Variants in WDR5 observed in about 807,000 individuals in gnomAD.
WDR5 encodes the protein WD repeat-containing protein 5.
For missense variants in WDR5, 187 were observed against 416.9 expected (o/e 0.45, Z 4.80); for synonymous variants, 144 against 161.6 (o/e 0.89, Z 0.83).
chr9:134,147,126 A>G (rs1334910874), intron 7 of WDR5, among the ~76,000 whole-genome samples: 2 of 152,248 alleles, frequency 1.3e-5, no homozygotes, highest in Admixed American at 6.5e-5. Context: ...AATATTTTAG[A>G]TACATTGGGT....
intron 8 of WDR5, among the ~76,000 whole-genome samples, chr9:134,150,275 AT>A (rs1404717334): frequency 6.6e-6 from 1 of 152,218 alleles, no homozygotes; most frequent in African/African-American, 2.4e-5. Context: ...TAATGAAAGG[AT>A]TATAACGTAA....
chr9:134,135,894 C>T (rs1040855484), upstream of WDR5: 2 of 152,144 alleles, frequency 1.3e-5, no homozygotes, highest in Middle Eastern at 3.2e-3. Flanking sequence ...AGGGCCTGCA[C>T]CAGTCAAATT....
chr9:134,145,744 C>T (rs189551058), intron 7 of WDR5, among the ~76,000 whole-genome samples: 83 of 152,254 alleles, frequency 5.5e-4, no homozygotes, highest in African/African-American at 1.7e-3. Flanking sequence ...GGCTGAGGGC[C>T]GCTGCCGACC....
At chr9:134,155,204 G>A (rs1832692522) in intron 10 of WDR5, 136 bp from the exon 11 acceptor site, 1 of 1,053,962 alleles carries the variant, frequency 9.5e-7, no homozygotes, top group Non-Finnish European at 1.3e-6. Flanking sequence ...TTACCCTGAT[G>A]GGGAAGGGGG....
Position 134,153,508 on chromosome 9 carries a change from C to T in WDR5, c.632-958C>T, listed in dbSNP as rs527852806. ...TTGCCATCAGCTGTGTTAAGGGAGC[C>T]CGGCCCCCCGGCCCTCACTGTGACC... On this transcript the variant is annotated intron_variant, in intron 9 of 13. Transcript: ENST00000358625. 2.9e-3 allele frequency among the ~76,000 whole-genome samples: 435 copies of T among 152,354 alleles called. 1 individual carries two copies. The highest frequency in any genetic ancestry group is 9.9e-3 in the African/African-American group (411 of 41,582).
chr9:134,136,345 GGCCCCGCCCGGGACCCCC>G (rs1042967577), intron 1 of WDR5, 145 bp downstream of exon 1: 1 of 149,968 alleles, frequency 6.7e-6, no homozygotes, highest in Non-Finnish European at 1.5e-5. Flanking sequence ...CCGCTGCAGC[GGCCCCGCCCGGGACCCCC>G]GCCCCGGCCC....
At chr9:134,138,277 T>C (rs777442694) in intron 1 of WDR5, among the ~76,000 whole-genome samples, 1 of 152,198 alleles carries the variant, frequency 6.6e-6, no homozygotes, top group Non-Finnish European at 1.5e-5. Flanking sequence ...CTATTTCGCC[T>C]TCTGTTCCTC....
chr9:134,156,620 T>C, intron 13 of WDR5, 27 bp downstream of exon 13: 1 of 1,611,308 alleles, frequency 6.2e-7, no homozygotes, highest in Non-Finnish European at 8.5e-7. Flanking sequence ...CTGCAGTCAC[T>C]GGCTGCCTGT....
Position 134,151,901 on chromosome 9 carries a change from T to C in WDR5, c.585-82T>C, listed in dbSNP as rs1832508849. ...AAGATAGGGAAAAGCGTGCTAGTCC[T>C]AAAATTTATATCTGACTCCCAGCAG... On this transcript the variant is annotated intron_variant, in intron 8 of 13. Coordinates refer to ENST00000358625, the MANE Select transcript of WDR5 (RefSeq NM_017588.3). 4.8e-6 allele frequency: 7 copies of C among 1,446,196 alleles called. No individual in the cohort carries two copies. In the Admixed American group the frequency reaches 1.4e-4, roughly 30 times the overall value. The allele number at this position is 1,446,196 out of a possible 1,614,324, so 89.6% of individuals were successfully genotyped here.
intron 7 of WDR5, among the ~76,000 whole-genome samples, chr9:134,143,298 T>G (rs1473113772): frequency 1.3e-5 from 2 of 152,154 alleles, no homozygotes; most frequent in Non-Finnish European, 2.9e-5. Context: ...CCCAGCACTT[T>G]GGGAGGCCGA....
intron 8 of WDR5, among the ~76,000 whole-genome samples, chr9:134,151,405 T>C (rs1262831904): frequency 1.3e-5 from 2 of 152,206 alleles, no homozygotes; most frequent in Non-Finnish European, 2.9e-5. Flanking sequence ...TCCCCGCTGC[T>C]GGCATCTGTG....
At chr9:134,142,962 C>T (rs1831971431) in intron 7 of WDR5, among the ~76,000 whole-genome samples, 1 of 152,086 alleles carries the variant, frequency 6.6e-6, no homozygotes, top group Non-Finnish European at 1.5e-5. Flanking sequence ...GTGATGAGCA[C>T]CAAGGGGCCG....
At chr9:134,138,763 G>A (rs187939701) in intron 1 of WDR5, among the ~76,000 whole-genome samples, 12 of 152,238 alleles carry the variant, frequency 7.9e-5, no homozygotes, top group Admixed American at 6.5e-4. Context: ...TCCATTTCGC[G>A]TTAGTGTTAC....
rs568433953 is a variant in WDR5, at chr9:134,157,742, G to A, written c.905-151G>A. 7.7e-6 allele frequency: 5 copies of A among 646,038 alleles called. No individual in the cohort carries two copies. Among genetic ancestry groups the A allele is most frequent in the Non-Finnish European group, 1.3e-5 (5 of 371,458 alleles). 40.0% of individuals were successfully genotyped at this position (646,038 alleles called of 1,614,324 possible). On this transcript the variant is annotated intron_variant, in intron 13 of 13. Coordinates refer to ENST00000358625, the MANE Select transcript of WDR5 (RefSeq NM_017588.3). The surrounding 1 kb of genome is among the most constrained non-coding windows in gnomAD (Gnocchi z 5.0). ...TCCCCTCCCCTGGGCTCCCTGTGTC[G>A]AAGGTGGGCAGTGGGTGCTTGTCCT...
intron 8 of WDR5, among the ~76,000 whole-genome samples, chr9:134,149,717 T>C (rs935812606): frequency 6.6e-6 from 1 of 152,202 alleles, no homozygotes; most frequent in African/African-American, 2.4e-5. Flanking sequence ...ATAGATGATA[T>C]AAGATGTCTT....
intron 7 of WDR5, among the ~76,000 whole-genome samples, chr9:134,144,786 A>C (rs541574371): frequency 9.9e-5 from 15 of 152,138 alleles, no homozygotes; most frequent in South Asian, 2.1e-4. Flanking sequence ...GCAGTGAGCA[A>C]GATGGTACCA....
chr9:134,147,679 A>G (rs757922431), intron 7 of WDR5, among the ~76,000 whole-genome samples: 2 of 152,188 alleles, frequency 1.3e-5, no homozygotes, highest in Non-Finnish European at 2.9e-5. Context: ...TTCAGCACCC[A>G]TAGCCTGAGA....
At chr9:134,145,376 G>A (rs1393835574) in intron 7 of WDR5, among the ~76,000 whole-genome samples, 1 of 152,216 alleles carries the variant, frequency 6.6e-6, no homozygotes, top group African/African-American at 2.4e-5. Flanking sequence ...TGGGATTACA[G>A]GCGTGAGCCG....
chr9:134,158,171 T>C lies in WDR5; in HGVS notation c.*178T>C. 1.7e-6 allele frequency: 1 copy of C among 574,326 alleles called. No individual in the cohort carries two copies. 35.6% of individuals were successfully genotyped at this position (574,326 alleles called of 1,614,324 possible). A position where few individuals can be genotyped will look rare whatever the true frequency, so the allele number is the denominator to read the frequency against. ...GAAGGTGTGGACCACCGGAAAGTTCTTAAAAGTTGCTGGTGACATTTCTTG... is the reference window on the plus strand; with the variant it reads ...GAAGGTGTGGACCACCGGAAAGTTCCTAAAAGTTGCTGGTGACATTTCTTG... On this transcript the variant is annotated 3_prime_UTR_variant, in exon 14 of 14. Transcript: ENST00000358625.
Sources: gnomAD v4.1 joint callset for allele counts (sites outside exome capture counted in the v4.1 genomes callset) on GRCh38, gnomAD v4.1.1 for gene constraint, Gnocchi (gnomAD v3.1) non-coding constraint, MANE v1.5 for transcripts, NCBI Gene and HGNC (gene_info 2026-07-23, HGNC 2026-07-21) for gene names.